The following ABHD12 variants were observed in gnomAD, a reference collection of about 807,000 sequenced individuals.
ABHD12 encodes the protein lysophosphatidylserine lipase ABHD12.
ABHD12 carries 43 observed loss-of-function variants against 58.3 expected under a neutral mutation model. That is an observed-to-expected ratio of 0.74 (90% CI 0.58 to 0.95). The LOEUF (loss-of-function observed/expected upper bound fraction) is 0.95, where lower values mean the gene tolerates loss of function less well. Ranked by LOEUF, ABHD12 falls within the 40% of genes least tolerant of loss-of-function variation. The probability of loss-of-function intolerance (pLI) is 0.00; values close to 1 mark genes in which losing one functional copy is unlikely to be tolerated. For missense variants in ABHD12, 539 were observed against 537.2 expected (o/e 1.00, Z -0.03); for synonymous variants, 219 against 211.2 (o/e 1.04, Z -0.32).
chr20:25,353,685 C>G lies in ABHD12; in HGVS notation c.192-14334G>C, dbSNP rs58410604. 6.5e-3 allele frequency among the ~76,000 whole-genome samples: 996 copies of G among 152,266 alleles called. 16 individuals carry two copies. Among genetic ancestry groups the G allele is most frequent in the African/African-American group, 0.023 (954 of 41,562 alleles). On this transcript the variant is annotated intron_variant, in intron 1 of 12. Coordinates refer to ENST00000339157, the MANE Select transcript of ABHD12 (RefSeq NM_001042472.3). ...TTACGGGAGAGTTGCTGTGATCCTT[C>G]CAAGGTCCAGGAAATAAGCAAGCAC...
At chr20:25,316,008 C>A (rs775187572) in intron 5 of ABHD12, among the ~76,000 whole-genome samples, 4 of 152,190 alleles carry the variant, frequency 2.6e-5, no homozygotes, top group Non-Finnish European at 5.9e-5. Flanking sequence ...GGTCTGCACG[C>A]CCTGCCCTAG....
chr20:25,382,942 G>C (rs2482942), intron 1 of ABHD12, among the ~76,000 whole-genome samples: 239 of 152,264 alleles, frequency 1.6e-3, no homozygotes, highest in African/African-American at 4.9e-3. Context: ...CCAGTTGAGG[G>C]GGGGGGCCAG....
chr20:25,390,489 C>CCCCCCCCCCCCCA, intron 1 of ABHD12, 24 bp downstream of exon 1: 1 of 1,271,060 alleles, frequency 7.9e-7, no homozygotes, highest in South Asian at 1.6e-5. Flanking sequence ...CCCCCCCCCC[C>CCCCCCCCCCCCCA]CCCCGCTCCG....
intron 1 of ABHD12, among the ~76,000 whole-genome samples, chr20:25,369,013 C>T (rs1302452874): frequency 1.3e-5 from 2 of 151,896 alleles, no homozygotes; most frequent in Admixed American, 6.6e-5. Context: ...GTCCCAGCTA[C>T]TCGGGAGGCT....
At chr20:25,322,069 A>G (rs935753397) in intron 3 of ABHD12, among the ~76,000 whole-genome samples, 15 of 152,166 alleles carry the variant, frequency 9.9e-5, no homozygotes, top group African/African-American at 3.6e-4. Flanking sequence ...ATTCAGCTAG[A>G]TAAAAGGGCT....
chr20:25,324,297 T>C (rs1264364354), intron 2 of ABHD12, among the ~76,000 whole-genome samples: 2 of 152,090 alleles, frequency 1.3e-5, no homozygotes, highest in Non-Finnish European at 2.9e-5. Context: ...GCTGGGAGGA[T>C]ATACAGAAAG....
downstream of ABHD12, among the ~76,000 whole-genome samples, chr20:25,298,329 G>A (rs544093127): frequency 2.2e-4 from 34 of 152,080 alleles, no homozygotes; most frequent in East Asian, 5.2e-3. Flanking sequence ...GCAGTGGCAC[G>A]GTCTTGGCTC....
At chr20:25,342,648 G>T (rs1400102074) in intron 1 of ABHD12, among the ~76,000 whole-genome samples, 1 of 152,064 alleles carries the variant, frequency 6.6e-6, no homozygotes, top group Non-Finnish European at 1.5e-5. Context: ...ACCCAAGCTG[G>T]AGTGCGGTGG....
At chr20:25,298,371 T>C (rs1039612596), downstream of ABHD12, among the ~76,000 whole-genome samples, 1 of 152,088 alleles carries the variant, frequency 6.6e-6, no homozygotes, top group Non-Finnish European at 1.5e-5. Flanking sequence ...GTTCAAGCAA[T>C]TCTCCTGCCT....
At chr20:25,295,920 G>A (rs561470014), downstream of ABHD12, among the ~76,000 whole-genome samples, 3 of 152,320 alleles carry the variant, frequency 2.0e-5, no homozygotes, top group East Asian at 1.9e-4. Context: ...ACTGAGTGAC[G>A]GGCAGGGCCC....
At chr20:25,390,476 G>GGGGGC in intron 1 of ABHD12, 37 bp downstream of exon 1, 1 of 1,031,706 alleles carries the variant, frequency 9.7e-7, no homozygotes, top group Non-Finnish European at 1.2e-6. Flanking sequence ...GTGAGGGACC[G>GGGGGC]GCCCCCCCCC....
intron 2 of ABHD12, among the ~76,000 whole-genome samples, chr20:25,325,767 G>A (rs1189272225): frequency 2.0e-5 from 3 of 152,072 alleles, no homozygotes; most frequent in Non-Finnish European, 4.4e-5. Flanking sequence ...TGTTTGAGCG[G>A]CCCTAAGAAA....
At chr20:25,368,392 A>G in intron 1 of ABHD12, 1 of 1,592,148 alleles carries the variant, frequency 6.3e-7, no homozygotes, top group Non-Finnish European at 8.6e-7. Context: ...CACAGACCAC[A>G]TGCTTGCCAT....
intron 1 of ABHD12, among the ~76,000 whole-genome samples, chr20:25,377,498 G>A (rs190065211): frequency 3.3e-5 from 5 of 152,174 alleles, no homozygotes; most frequent in South Asian, 4.1e-4. Context: ...TGGGGACTCC[G>A]AAGAGTCCCA....
At chr20:25,318,742 A>G (rs1029957096) in intron 4 of ABHD12, among the ~76,000 whole-genome samples, 6 of 151,600 alleles carry the variant, frequency 4.0e-5, no homozygotes, top group African/African-American at 1.5e-4. Flanking sequence ...TCTGTCATTT[A>G]TAAAAAGATG....
At position 25,318,223 on chromosome 20, in the gene ABHD12, G is replaced by A. The variant is rs112985873; in HGVS notation, c.543-1145C>T. Among the ~76,000 whole-genome samples the A allele has an allele frequency of 6.9e-3, 1,051 of 152,326 alleles. 5 individuals carry two copies. Among genetic ancestry groups the A allele is most frequent in the Middle Eastern group, 0.02 (6 of 294 alleles). On this transcript the variant is annotated intron_variant, in intron 4 of 12. Transcript: ENST00000339157. ...CCAGCTACTCGGGAGACCGAGGCAG[G>A]AGAGTCACTTGAACTCAGGAGGCTG... is the stretch of plus-strand genomic sequence containing the variant.
downstream of ABHD12, among the ~76,000 whole-genome samples, chr20:25,295,910 A>G (rs2088535430): frequency 6.6e-6 from 1 of 152,190 alleles, no homozygotes; most frequent in Non-Finnish European, 1.5e-5. Context: ...CGGCCTGGAA[A>G]CTGAGTGACG....
intron 2 of ABHD12, among the ~76,000 whole-genome samples, chr20:25,323,980 C>T (rs923350797): frequency 4.6e-5 from 7 of 152,178 alleles, no homozygotes; most frequent in Non-Finnish European, 8.8e-5. Context: ...CTGCCTAACA[C>T]AGAAAAGACA....
At chr20:25,319,964 G>T (rs531559349) in intron 4 of ABHD12, among the ~76,000 whole-genome samples, 10 of 152,348 alleles carry the variant, frequency 6.6e-5, no homozygotes, top group South Asian at 4.1e-4. Flanking sequence ...GCCTCAGCCT[G>T]TGGGAACCCT....
Sources: allele counts gnomAD v4.1 joint callset (sites outside exome capture counted in the v4.1 genomes callset), GRCh38; gene constraint gnomAD v4.1.1; transcripts MANE v1.5; gene names NCBI Gene and HGNC (gene_info 2026-07-23, HGNC 2026-07-21).